The following RNGTT variants were observed in gnomAD, a reference collection of about 807,000 sequenced individuals.
RNGTT encodes the protein RNA guanylyltransferase and 5'-phosphatase.
Under a neutral mutation model 79.3 loss-of-function variants are expected in RNGTT, and 33 were observed. The ratio of observed to expected loss-of-function variants is 0.42; its 90% CI spans 0.32 to 0.56. The LOEUF is 0.56. Among genes scored for constraint, RNGTT ranks in the 20% least tolerant of loss-of-function variants. The pLI, the probability that RNGTT is intolerant of heterozygous loss-of-function variation, is 0.17. For missense variants in RNGTT, 497 were observed against 739.1 expected (o/e 0.67, Z 3.80); for synonymous variants, 222 against 235.9 (o/e 0.94, Z 0.54).
At position 88,612,545 on chromosome 6, in the gene RNGTT, G is replaced by A. The variant is rs959695292; in HGVS notation, c.*174C>T. ...CGATGTATTGCAGCACTGAGGAAAC[G>A]AATGCATCAAGTATTTACAGGCTGG... On this transcript the variant is annotated 3_prime_UTR_variant, in exon 16 of 16. Transcript: ENST00000369485. 2.5e-5 allele frequency: 16 copies of A among 646,186 alleles called. No individual in the cohort carries two copies. The highest frequency in any genetic ancestry group is 1.4e-4 in the Admixed American group (5 of 35,106). 40.0% of individuals were successfully genotyped at this position (646,186 alleles called of 1,614,324 possible). A position where few individuals can be genotyped will look rare whatever the true frequency, so the allele number is the denominator to read the frequency against.
At chr6:88,861,741 C>A (rs1782020736) in intron 8 of RNGTT, among the ~76,000 whole-genome samples, 1 of 150,314 alleles carries the variant, frequency 6.7e-6, no homozygotes, top group Non-Finnish European at 1.5e-5. Context: ...GTGTCAAAAC[C>A]CCTTTCACAA....
intron 5 of RNGTT, among the ~76,000 whole-genome samples, chr6:88,906,000 G>T (rs1783641408): frequency 6.6e-6 from 1 of 151,970 alleles, no homozygotes; most frequent in South Asian, 2.1e-4. Flanking sequence ...GAAAAAATTA[G>T]CCAGGCATGG....
intron 13 of RNGTT, among the ~76,000 whole-genome samples, chr6:88,758,991 A>G (rs1458513158): frequency 1.3e-5 from 2 of 152,128 alleles, no homozygotes; most frequent in Non-Finnish European, 2.9e-5. Flanking sequence ...AACTCCATTG[A>G]TTATTCTCAC....
At chr6:88,867,432 G>C (rs944690932) in intron 8 of RNGTT, among the ~76,000 whole-genome samples, 1 of 151,996 alleles carries the variant, frequency 6.6e-6, no homozygotes, top group Non-Finnish European at 1.5e-5. Context: ...GCAGTGAGCC[G>C]AGATCATGGC....
intron 14 of RNGTT, among the ~76,000 whole-genome samples, chr6:88,637,160 T>C (rs1773130043): frequency 6.6e-6 from 1 of 152,062 alleles, no homozygotes; most frequent in African/African-American, 2.4e-5. Flanking sequence ...CCTGGAGTTA[T>C]TCTGCACTCA....
At chr6:88,943,065 C>T (rs916910259) in intron 1 of RNGTT, among the ~76,000 whole-genome samples, 55 of 152,158 alleles carry the variant, frequency 3.6e-4, no homozygotes, top group African/African-American at 1.3e-3. Context: ...TATTTTCATT[C>T]ACTCCCTTGG....
At chr6:88,957,341 T>C (rs1387088163) in intron 1 of RNGTT, among the ~76,000 whole-genome samples, 16 of 152,180 alleles carry the variant, frequency 1.1e-4, no homozygotes. Flanking sequence ...CCACTTCTAT[T>C]TAACATAGTA....
At chr6:88,640,386 C>T (rs182722317) in intron 14 of RNGTT, among the ~76,000 whole-genome samples, 8 of 97,132 alleles carry the variant, frequency 8.2e-5, no homozygotes, top group African/African-American at 2.8e-4. Context: ...CCTGTCTCTA[C>T]AAAAAAAAAA....
At chr6:88,912,240 C>CAA (rs780443086) in intron 4 of RNGTT, among the ~76,000 whole-genome samples, 27 of 140,408 alleles carry the variant, frequency 1.9e-4, no homozygotes, top group African/African-American at 6.5e-4. Context: ...CCATCTCTAC[C>CAA]AAAAAAAAAA....
chr6:88,666,343 CAG>C (rs1363763083), intron 14 of RNGTT, among the ~76,000 whole-genome samples: 7 of 152,222 alleles, frequency 4.6e-5, no homozygotes, highest in Admixed American at 1.3e-4. Context: ...AACAGCTAGA[CAG>C]AGTTTCTAAA....
intron 12 of RNGTT, among the ~76,000 whole-genome samples, chr6:88,794,033 A>G (rs942788312): frequency 5.3e-5 from 8 of 152,242 alleles, no homozygotes; most frequent in African/African-American, 1.7e-4. Flanking sequence ...GTACTGATTT[A>G]TATCATTTGC....
intron 12 of RNGTT, among the ~76,000 whole-genome samples, chr6:88,776,743 C>T (rs1489556861): frequency 6.6e-6 from 1 of 150,480 alleles, no homozygotes; most frequent in Non-Finnish European, 1.5e-5. Flanking sequence ...TTGTGAATTC[C>T]TTTAATATTA....
At chr6:88,946,489 T>C (rs1785013481) in intron 1 of RNGTT, among the ~76,000 whole-genome samples, 1 of 152,190 alleles carries the variant, frequency 6.6e-6, no homozygotes, top group East Asian at 1.9e-4. Flanking sequence ...AAGAATCATA[T>C]GTCTCTCATT....
intron 8 of RNGTT, among the ~76,000 whole-genome samples, chr6:88,869,814 C>CA (rs1782297112): frequency 6.6e-6 from 1 of 151,966 alleles, no homozygotes; most frequent in Non-Finnish European, 1.5e-5. Context: ...AGAGCAGTCT[C>CA]AAAGTTCAGC....
At chr6:88,617,311 T>C (rs895423326) in intron 14 of RNGTT, among the ~76,000 whole-genome samples, 1 of 152,190 alleles carries the variant, frequency 6.6e-6, no homozygotes, top group African/African-American at 2.4e-5. Flanking sequence ...ACAAGTTTAA[T>C]AGTTTAAGGT....
chr6:88,730,179 T>C (rs1353400708), intron 13 of RNGTT, among the ~76,000 whole-genome samples: 2 of 152,206 alleles, frequency 1.3e-5, no homozygotes, highest in Admixed American at 6.5e-5. Flanking sequence ...AATCAATATG[T>C]CAATATGTAA....
chr6:88,628,016 A>G (rs1294680264), intron 14 of RNGTT, among the ~76,000 whole-genome samples: 1 of 152,132 alleles, frequency 6.6e-6, no homozygotes, highest in Non-Finnish European at 1.5e-5. Flanking sequence ...CTCAACAACT[A>G]TATTTCTTCT....
intron 14 of RNGTT, among the ~76,000 whole-genome samples, chr6:88,647,580 C>T (rs754244473): frequency 4.0e-5 from 6 of 151,548 alleles, no homozygotes; most frequent in Non-Finnish European, 7.4e-5. Context: ...GGCATGGTGG[C>T]ATGCACCTGT....
At chr6:88,856,730 T>A (rs770269848) in intron 8 of RNGTT, among the ~76,000 whole-genome samples, 4 of 152,142 alleles carry the variant, frequency 2.6e-5, no homozygotes, top group Non-Finnish European at 5.9e-5. Context: ...TGTTCTTTTG[T>A]TATGCGATAC....
Sources: allele counts gnomAD v4.1 joint callset (sites outside exome capture counted in the v4.1 genomes callset), GRCh38; gene constraint gnomAD v4.1.1; transcripts MANE v1.5; gene names NCBI Gene and HGNC (gene_info 2026-07-23, HGNC 2026-07-21).